NHSL1: variants seen among roughly 807,000 people sequenced by gnomAD.
NHSL1 encodes NHS like 1.
NHSL1 carries 48 observed loss-of-function variants against 95.0 expected under a neutral mutation model. The ratio of observed to expected loss-of-function variants is 0.51; its 90% CI spans 0.40 to 0.64. The LOEUF is 0.64. NHSL1 is among the 30% of genes least tolerant of loss of function. The pLI is 0.00. For synonymous variants in NHSL1, 783 were observed against 833.9 expected, an observed-to-expected ratio of 0.94 and a Z score of 1.05; for missense variants, 1,971 against 2,077.7, an observed-to-expected ratio of 0.95 and a Z score of 1.00.
At chr6:138,451,283 A>C (rs980327848) in intron 3 of NHSL1, among the ~76,000 whole-genome samples, 1 of 152,112 alleles carries the variant, frequency 6.6e-6, no homozygotes, top group African/African-American at 2.4e-5. Context: ...CATGGCCTGA[A>C]ATGCTCCTCC....
intron 1 of NHSL1, among the ~76,000 whole-genome samples, chr6:138,688,969 A>G (rs1374928972): frequency 6.6e-6 from 1 of 152,136 alleles, no homozygotes; most frequent in Non-Finnish European, 1.5e-5. Flanking sequence ...TTGTACTTGT[A>G]CTTAGTATTG....
chr6:138,594,760 C>T (rs1224536384), intron 1 of NHSL1, among the ~76,000 whole-genome samples: 3 of 152,294 alleles, frequency 2.0e-5, no homozygotes, highest in East Asian at 3.9e-4. Flanking sequence ...AATGAGACCC[C>T]AAGTTTACAG....
At chr6:138,640,866 T>C (rs1159458402) in intron 1 of NHSL1, among the ~76,000 whole-genome samples, 2 of 151,936 alleles carry the variant, frequency 1.3e-5, no homozygotes, top group Non-Finnish European at 2.9e-5. Flanking sequence ...TTCAAGCACA[T>C]GGGCTGATCC....
chr6:138,498,137 G>A (rs1283517606), intron 1 of NHSL1, among the ~76,000 whole-genome samples: 2 of 152,150 alleles, frequency 1.3e-5, no homozygotes, highest in Non-Finnish European at 2.9e-5. Flanking sequence ...TCCCCCCAAA[G>A]TGTAGCCAGA....
intron 1 of NHSL1, among the ~76,000 whole-genome samples, chr6:138,638,737 T>C (rs183998313): frequency 6.6e-6 from 1 of 152,332 alleles, no homozygotes; most frequent in East Asian, 1.9e-4. Context: ...GCATAGGAGC[T>C]TTCATTGCAC....
chr6:138,650,285 C>T (rs977707910), intron 1 of NHSL1: 2 of 679,828 alleles, frequency 2.9e-6, no homozygotes, highest in Non-Finnish European at 5.5e-6. Flanking sequence ...CTTGGAAGAG[C>T]TGGCCCTACA....
Position 138,557,496 on chromosome 6 carries a change from G to C in NHSL1, c.202+14214C>G, listed in dbSNP as rs536855159. On this transcript the variant is annotated intron_variant, in intron 1 of 6. Transcript: ENST00000427025. The stretch of plus-strand genomic sequence containing the variant: ...CAGGTGCAAGTACACTGTCGAAAGA[G>C]AAAGGCTTCCAGCAAAAGTGAAATA... 9.2e-5 allele frequency among the ~76,000 whole-genome samples: 14 copies of C among 152,326 alleles called. No homozygotes were observed. The South Asian group carries it at 2.9e-3, about 32-fold the overall frequency.
chr6:138,487,826 C>T (rs550483085), intron 2 of NHSL1, among the ~76,000 whole-genome samples: 4 of 152,218 alleles, frequency 2.6e-5, no homozygotes, highest in African/African-American at 7.2e-5. Context: ...TGCGGTTTTG[C>T]GAAATATGAG....
intron 2 of NHSL1, among the ~76,000 whole-genome samples, chr6:138,479,128 T>C (rs544529596): frequency 4.6e-5 from 7 of 152,288 alleles, no homozygotes; most frequent in African/African-American, 1.7e-4. Flanking sequence ...TCCTATCTAT[T>C]GCTATGTTTT....
chr6:138,499,537 C>A, upstream of NHSL1: 2 of 689,572 alleles, frequency 2.9e-6, no homozygotes, highest in Non-Finnish European at 4.0e-6. Flanking sequence ...CTGAGAGCAG[C>A]CAGTGACATC....
chr6:138,668,350 G>A (rs1015626103), intron 1 of NHSL1, among the ~76,000 whole-genome samples: 2 of 152,104 alleles, frequency 1.3e-5, no homozygotes, highest in East Asian at 1.9e-4. Flanking sequence ...GGATGAGGCA[G>A]AAGAATCGCT....
chr6:138,541,865 A>C (rs963460927), intron 1 of NHSL1, among the ~76,000 whole-genome samples: 7 of 152,204 alleles, frequency 4.6e-5, no homozygotes, highest in Admixed American at 3.3e-4. Flanking sequence ...TTTCAAAGGC[A>C]TCCTCAAAGC....
chr6:138,464,182 C>A (rs1034512285), intron 3 of NHSL1: 1 of 694,416 alleles, frequency 1.4e-6, no homozygotes, highest in Non-Finnish European at 2.4e-6. Context: ...TATACCTGGG[C>A]ACCAGGGGCA....
chr6:138,467,022 T>C (rs1304231845), intron 3 of NHSL1, among the ~76,000 whole-genome samples: 1 of 151,894 alleles, frequency 6.6e-6, no homozygotes, highest in Non-Finnish European at 1.5e-5. Context: ...TGAAACTCCA[T>C]CTCAAAACCA....
chr6:138,481,975 A>G (rs1253796444), intron 2 of NHSL1, among the ~76,000 whole-genome samples: 1 of 152,242 alleles, frequency 6.6e-6, no homozygotes, highest in Non-Finnish European at 1.5e-5. Context: ...TTCTAAAAGT[A>G]AATATTTTAT....
At chr6:138,691,963 A>T (rs1245281210) in intron 1 of NHSL1, 1 of 456,752 alleles carries the variant, frequency 2.2e-6, no homozygotes, top group Non-Finnish European at 4.4e-6. Flanking sequence ...GTCGGTAAGA[A>T]CACAGGTAGG....
intron 1 of NHSL1, among the ~76,000 whole-genome samples, chr6:138,601,745 G>A (rs1181271957): frequency 6.6e-6 from 1 of 152,078 alleles, no homozygotes. Context: ...CCGGGAGGTG[G>A]AGGTTGCAGT....
chr6:138,433,569 G>A lies in NHSL1; in HGVS notation c.776C>T (p.Thr259Ile). Residue 259 changes from threonine (T) to isoleucine (I), a missense_variant, in exon 6 of 8, where the codon ACC becomes ATC. Coordinates refer to ENST00000343505, the MANE Select transcript of NHSL1 (RefSeq NM_001144060.2). ...CTCCGTCTGACAGCTGGAGTCCCTG[G>A]TTTCTGAGCGCTGCCCAGCAGACCG... ...SCRSAGQRSE[T>I]RDSSCQTEDV... The A allele has an allele frequency of 6.4e-7, 1 of 1,551,936 alleles. No homozygotes were observed. Among genetic ancestry groups the A allele is most frequent in the Non-Finnish European group, 8.7e-7 (1 of 1,147,030 alleles).
chr6:138,578,793 T>C (rs749146615), intron 1 of NHSL1, among the ~76,000 whole-genome samples: 4 of 152,146 alleles, frequency 2.6e-5, no homozygotes, highest in Non-Finnish European at 4.4e-5. Flanking sequence ...ACTGCAATTC[T>C]GAACTCCTAG....
Sources: allele counts gnomAD v4.1 joint callset (sites outside exome capture counted in the v4.1 genomes callset), GRCh38; gene constraint gnomAD v4.1.1; transcripts MANE v1.5; gene names NCBI Gene and HGNC (gene_info 2026-07-23, HGNC 2026-07-21).